Variants in SAMD3 observed in about 807,000 individuals in gnomAD.
SAMD3 encodes sterile alpha motif domain-containing protein 3.
A neutral mutation model predicts 58.5 loss-of-function variants in SAMD3; 63 were observed. The observed-to-expected ratio is 1.08, with a 90% confidence interval of 0.88 to 1.33. The LOEUF (loss-of-function observed/expected upper bound fraction) is 1.33, where lower values mean the gene tolerates loss of function less well. SAMD3 is among the 40% of genes most tolerant of loss of function. SAMD3 has a pLI of 0.00. For missense variants in SAMD3, 604 were observed against 608.4 expected, an observed-to-expected ratio of 0.99 and a Z score of 0.08; for synonymous variants, 220 against 210.3, an observed-to-expected ratio of 1.05 and a Z score of -0.40.
At chr6:130,207,224 C>G (rs1795168555) in intron 5 of SAMD3, among the ~76,000 whole-genome samples, 1 of 151,376 alleles carries the variant, frequency 6.6e-6, no homozygotes, top group Non-Finnish European at 1.5e-5. Flanking sequence ...AGGTTGCATC[C>G]TCATCTGCTG....
chr6:130,160,668 G>T (rs181978066), intron 8 of SAMD3: 1 of 152,234 alleles, frequency 6.6e-6, no homozygotes, highest in East Asian at 1.9e-4. Context: ...ATTGAGGTTG[G>T]AAGAATAGCT....
In SAMD3 at chr6:130,319,627, AAAG is replaced by A. The variant is rs1271716004; in HGVS notation, c.-303-6537_-303-6535del. On this transcript the variant is annotated intron_variant, in intron 1 of 13. Transcript: ENST00000368134. Reference sequence around the variant, plus strand: ...AGACCCTGCCCTACAAAAAATGTTGAAAGAAGTCTTTCAAGCATAAGGCAAATG... The same window carrying A: ...AGACCCTGCCCTACAAAAAATGTTGAAAGTCTTTCAAGCATAAGGCAAATG... 3.9e-5 allele frequency among the ~76,000 whole-genome samples: 6 copies of A among 152,204 alleles called. No individual in the cohort carries two copies. In the East Asian group the frequency reaches 1.2e-3, roughly 29 times the overall value.
intron 2 of SAMD3, among the ~76,000 whole-genome samples, chr6:130,228,448 A>G (rs1336356512): frequency 6.6e-6 from 1 of 152,232 alleles, no homozygotes; most frequent in Non-Finnish European, 1.5e-5. Flanking sequence ...GGACGGGCAC[A>G]GGAATGGTTC....
At chr6:130,247,759 A>C (rs1457243377) in intron 2 of SAMD3, among the ~76,000 whole-genome samples, 1 of 152,170 alleles carries the variant, frequency 6.6e-6, no homozygotes, top group African/African-American at 2.4e-5. Flanking sequence ...GACATATTTG[A>C]CTGCTACGTA....
intron 1 of SAMD3, among the ~76,000 whole-genome samples, chr6:130,329,136 G>A (rs547529370): frequency 3.7e-4 from 55 of 150,248 alleles, no homozygotes; most frequent in Non-Finnish European, 5.6e-4. Flanking sequence ...TTGTTAATCC[G>A]CTTCTACTTT....
chr6:130,247,003 A>G (rs779636763), intron 2 of SAMD3, among the ~76,000 whole-genome samples: 9 of 152,228 alleles, frequency 5.9e-5, no homozygotes, highest in Non-Finnish European at 1.0e-4. Flanking sequence ...TAGAACCCAG[A>G]TTATTATTTC....
chr6:130,163,835 A>T (rs1342502310), intron 8 of SAMD3, among the ~76,000 whole-genome samples: 1 of 152,212 alleles, frequency 6.6e-6, no homozygotes, highest in African/African-American at 2.4e-5. Context: ...GTTTTTGTGC[A>T]ACTTTAATTC....
intron 2 of SAMD3, among the ~76,000 whole-genome samples, chr6:130,239,728 C>T (rs1447260083): frequency 6.6e-6 from 1 of 152,172 alleles, no homozygotes; most frequent in Non-Finnish European, 1.5e-5. Context: ...TAAAAAAACA[C>T]AAACCTTTAT....
At chr6:130,203,759 G>C (rs958135017) in intron 5 of SAMD3, among the ~76,000 whole-genome samples, 3 of 152,224 alleles carry the variant, frequency 2.0e-5, no homozygotes, top group African/African-American at 7.2e-5. Context: ...TTGGCCTGTA[G>C]AGGACCAAGG....
At chr6:130,215,903 A>G in intron 2 of SAMD3, 1 of 1,410,026 alleles carries the variant, frequency 7.1e-7, no homozygotes, top group Non-Finnish European at 9.7e-7. Context: ...GAGAATCTGA[A>G]TGTTTCTGTC....
At chr6:130,151,749 T>A (rs780624421) in intron 9 of SAMD3, among the ~76,000 whole-genome samples, 16 of 152,334 alleles carry the variant, frequency 1.1e-4, no homozygotes, top group African/African-American at 1.7e-4. Flanking sequence ...CCGATTTTTT[T>A]AATTTTTTGA....
intron 2 of SAMD3, among the ~76,000 whole-genome samples, chr6:130,262,491 G>A (rs534923551): frequency 3.3e-5 from 5 of 151,334 alleles, no homozygotes; most frequent in Non-Finnish European, 7.4e-5. Context: ...TCCTAACAAG[G>A]GATTTAAATC....
chr6:130,180,220 T>G (rs2114687244), intron 7 of SAMD3, among the ~76,000 whole-genome samples: 1 of 150,988 alleles, frequency 6.6e-6, no homozygotes, highest in South Asian at 2.1e-4. Flanking sequence ...TCCTGGGCTC[T>G]AGTGGTCCTC....
At chr6:130,285,778 GT>G (rs2114956090) in intron 2 of SAMD3, among the ~76,000 whole-genome samples, 1 of 152,348 alleles carries the variant, frequency 6.6e-6, no homozygotes, top group South Asian at 2.1e-4. Flanking sequence ...GGAAATGTGT[GT>G]TGAATAAATG....
intron 1 of SAMD3, among the ~76,000 whole-genome samples, chr6:130,342,474 C>T (rs569409114): frequency 5.0e-4 from 76 of 152,244 alleles, no homozygotes; most frequent in African/African-American, 1.8e-3. Context: ...CTTGCAATCA[C>T]ATTTATAATT....
intron 8 of SAMD3, among the ~76,000 whole-genome samples, chr6:130,174,243 T>C (rs1376189355): frequency 9.9e-5 from 15 of 152,166 alleles, no homozygotes; most frequent in African/African-American, 2.4e-4. Flanking sequence ...GTCCTGCAGC[T>C]AGCTCAGTGT....
chr6:130,204,937 T>A (rs566060397), intron 5 of SAMD3, among the ~76,000 whole-genome samples: 6 of 152,042 alleles, frequency 3.9e-5, no homozygotes, highest in African/African-American at 1.4e-4. Context: ...GGACTACATA[T>A]TGAGGTGCAG....
intron 7 of SAMD3, among the ~76,000 whole-genome samples, chr6:130,177,996 C>T (rs1173449419): frequency 2.0e-5 from 3 of 150,120 alleles, no homozygotes; most frequent in South Asian, 2.1e-4. Flanking sequence ...TTTTTTTAGA[C>T]GGAGTTTCAC....
intron 8 of SAMD3, among the ~76,000 whole-genome samples, chr6:130,158,043 T>TA (rs1308576809): frequency 4.6e-5 from 7 of 152,150 alleles, no homozygotes; most frequent in African/African-American, 1.7e-4. Context: ...TATGAAACTA[T>TA]AAAATATTAA....
Sources: gnomAD v4.1 joint callset for allele counts (sites outside exome capture counted in the v4.1 genomes callset) on GRCh38, gnomAD v4.1.1 for gene constraint, MANE v1.5 for transcripts, NCBI Gene and HGNC (gene_info 2026-07-23, HGNC 2026-07-21) for gene names.